CACNA1C: variants seen among roughly 807,000 people sequenced by gnomAD.
The protein encoded by CACNA1C is voltage-dependent L-type calcium channel subunit alpha-1C.
In CACNA1C, 30 loss-of-function variants were observed where a neutral mutation model predicts 229.0. The observed-to-expected ratio is 0.13, with a 90% confidence interval of 0.10 to 0.18. CACNA1C has a LOEUF of 0.18. Among genes scored for constraint, CACNA1C ranks in the 10% least tolerant of loss-of-function variants. The pLI is 1.00. For synonymous variants in CACNA1C, 1,114 were observed against 1,132.5 expected (o/e 0.98, Z 0.33); for missense variants, 1,658 against 2,845.0 (o/e 0.58, Z 9.49).
chr12:2,535,631 G>A (rs770043175), intron 9 of CACNA1C, among the ~76,000 whole-genome samples: 6 of 147,488 alleles, frequency 4.1e-5, no homozygotes, highest in Admixed American at 6.8e-5. Context: ...ACTTGAACCC[G>A]GGAGTTTTAG....
At chr12:2,343,999 C>G (rs2096935223) in intron 3 of CACNA1C, among the ~76,000 whole-genome samples, 1 of 152,196 alleles carries the variant, frequency 6.6e-6, no homozygotes, top group Non-Finnish European at 1.5e-5. Flanking sequence ...TGCCACCTTC[C>G]CCACACACTT....
At chr12:2,216,889 C>A (rs143519885) in intron 3 of CACNA1C, among the ~76,000 whole-genome samples, 2 of 152,276 alleles carry the variant, frequency 1.3e-5, no homozygotes, top group African/African-American at 4.8e-5. Context: ...TAATTCACAG[C>A]GGCACATTCT....
chr12:2,311,743 A>G (rs138228314), intron 3 of CACNA1C, among the ~76,000 whole-genome samples: 139 of 152,346 alleles, frequency 9.1e-4, no homozygotes, highest in Non-Finnish European at 1.4e-3. Flanking sequence ...GGCATCTCAT[A>G]CTTGCCTGAT....
intron 5 of CACNA1C, among the ~76,000 whole-genome samples, chr12:2,474,633 G>A (rs953934021): frequency 7.9e-5 from 12 of 152,018 alleles, no homozygotes; most frequent in African/African-American, 2.9e-4. Context: ...GCACACGCCG[G>A]TAATCCCAGT....
chr12:2,355,686 A>G (rs2097340998), intron 3 of CACNA1C, among the ~76,000 whole-genome samples: 1 of 152,148 alleles, frequency 6.6e-6, no homozygotes, highest in South Asian at 2.1e-4. Flanking sequence ...TATTACAGCT[A>G]TGGCTTGCAA....
intron 5 of CACNA1C, among the ~76,000 whole-genome samples, chr12:2,464,999 C>T (rs1481810899): frequency 1.3e-5 from 2 of 152,244 alleles, no homozygotes; most frequent in East Asian, 3.9e-4. Flanking sequence ...GACTCTGTAC[C>T]CTTAGGGAAG....
intron 3 of CACNA1C, among the ~76,000 whole-genome samples, chr12:2,341,072 C>T (rs1293730284): frequency 1.3e-5 from 2 of 152,164 alleles, no homozygotes; most frequent in East Asian, 3.9e-4. Context: ...AAGACTTGGT[C>T]GAAAGCCCTG....
At chr12:2,652,712 G>A (rs972379386) in intron 32 of CACNA1C, among the ~76,000 whole-genome samples, 1 of 152,232 alleles carries the variant, frequency 6.6e-6, no homozygotes, top group African/African-American at 2.4e-5. Context: ...GCTCTCGAGG[G>A]AGCTCCCAAT....
At chr12:1,987,402 T>C (rs1701177081) in intron 1 of CACNA1C, among the ~76,000 whole-genome samples, 2 of 152,240 alleles carry the variant, frequency 1.3e-5, no homozygotes, top group South Asian at 2.1e-4. Flanking sequence ...AGAATGTATT[T>C]TGATATCCAA....
At chr12:2,027,426 ATCC>A (rs2047523567) in intron 1 of CACNA1C, among the ~76,000 whole-genome samples, 1 of 152,158 alleles carries the variant, frequency 6.6e-6, no homozygotes, top group Non-Finnish European at 1.5e-5. Context: ...TTATCTGCTG[ATCC>A]CCGCAGCTCC....
At chr12:2,338,736 T>C (rs1429452119) in intron 3 of CACNA1C, among the ~76,000 whole-genome samples, 2 of 152,066 alleles carry the variant, frequency 1.3e-5, no homozygotes, top group East Asian at 3.9e-4. Context: ...AGCATGAGAA[T>C]AGCAGGAGCC....
intron 5 of CACNA1C, among the ~76,000 whole-genome samples, chr12:2,465,681 C>T (rs574461222): frequency 3.9e-5 from 6 of 152,236 alleles, no homozygotes; most frequent in Non-Finnish European, 7.4e-5. Context: ...CCATACAAAA[C>T]GTTCAAAAAA....
chr12:2,311,560 A>G (rs1264542009), intron 3 of CACNA1C, among the ~76,000 whole-genome samples: 2 of 152,198 alleles, frequency 1.3e-5, no homozygotes, highest in Admixed American at 6.5e-5. Flanking sequence ...CCTCTCTCGC[A>G]CAGCAAACAG....
chr12:2,327,379 T>C (rs1201381097), intron 3 of CACNA1C, among the ~76,000 whole-genome samples: 1 of 152,248 alleles, frequency 6.6e-6, no homozygotes, highest in Admixed American at 6.5e-5. Context: ...CTTAGCTGAC[T>C]GAGCAAGTGG....
In CACNA1C at chr12:2,678,958, G is replaced by A. The variant is rs957634408; in HGVS notation, c.5092-486G>A. ...CAGGAAATTCTTCATTTTCAAAACC[G>A]TTTGGCCAACCAGCTTTTAGCTCTG... is the stretch of plus-strand genomic sequence containing the variant. On this transcript the variant is annotated intron_variant, in intron 41 of 46. Coordinates refer to ENST00000399655, the MANE Select transcript of CACNA1C (RefSeq NM_000719.7). This position sits in a 1 kb window ranked among gnomAD's most constrained non-coding sequence, Gnocchi z 4.1. Among the ~76,000 whole-genome samples the A allele has an allele frequency of 2.6e-5, 4 of 152,230 alleles. No homozygotes were observed. Among genetic ancestry groups the A allele is most frequent in the African/African-American group, 7.2e-5 (3 of 41,452 alleles).
chr12:1,971,195 C>G lies in CACNA1C; in HGVS notation c.133C>G (p.Pro45Ala). The change falls in exon 1 of 47, where the codon CCT (proline) becomes GCT (alanine). Residue 45 changes from proline to alanine, a missense_variant. By Grantham distance (27) the Pro-to-Ala change is conservative. Transcript: ENST00000682462. This position sits in a 1 kb window ranked among gnomAD's most constrained non-coding sequence, Gnocchi z 4.2. ...TCAACTCAACTATTTCTACATCTCT[C>G]CTGGAGGTAAGAAACCCTAAAGTGA... 1.0e-5 allele frequency: 13 copies of G among 1,287,914 alleles called. No individual in the cohort carries two copies. The highest frequency in any genetic ancestry group is 1.3e-5 in the Non-Finnish European group (13 of 987,360). 79.8% of individuals were successfully genotyped at this position (1,287,914 alleles called of 1,614,324 possible).
upstream of CACNA1C, chr12:2,052,902 CG>C: frequency 1.2e-6 from 1 of 816,914 alleles, no homozygotes; most frequent in Non-Finnish European, 1.5e-6. Flanking sequence ...GCCGGGCGGG[CG>C]GGCGGGCGGC....
chr12:2,450,389 C>A (rs555461166), intron 4 of CACNA1C, among the ~76,000 whole-genome samples: 109 of 151,714 alleles, frequency 7.2e-4, no homozygotes, highest in Middle Eastern at 3.4e-3. Context: ...CCCGTCTCTA[C>A]TAAAAATACA....
In CACNA1C at chr12:2,674,597, C is replaced by T. The variant is rs867596743; in HGVS notation, c.4783C>T (p.Arg1595Trp). The change falls in exon 39 of 47, where the codon CGG (arginine) becomes TGG (tryptophan). Residue 1595 changes from arginine (R) to tryptophan (W), a missense_variant. Physicochemically the swap from Arg to Trp is moderately radical, Grantham distance 101. Around this residue, in one of 20 missense-constraint regions of CACNA1C, gnomAD observed 151 missense variants for 344.4 expected, o/e 0.44. Transcript: ENST00000399655. ...GGCGATCATCAAGAAGATCTGGAAG[C>T]GGACCAGCATGAAGCTGCTGGACCA... ...LRAIIKKIWK[R>W]TSMKLLDQVV... 6.3e-7 allele frequency: 1 copy of T among 1,576,906 alleles called. No individual in the cohort carries two copies.
Sources: allele counts gnomAD v4.1 joint callset (sites outside exome capture counted in the v4.1 genomes callset), GRCh38; gene constraint gnomAD v4.1.1; regional missense constraint gnomAD v4.1.1; non-coding constraint Gnocchi (gnomAD v3.1); transcripts MANE v1.5; gene names NCBI Gene and HGNC (gene_info 2026-07-23, HGNC 2026-07-21).